Variants in CDA observed in about 807,000 individuals in gnomAD.
The protein encoded by CDA is cytidine aminohydrolase.
Under a neutral mutation model 15.0 loss-of-function variants are expected in CDA, and 7 were observed. The observed-to-expected ratio is 0.47, with a 90% confidence interval of 0.26 to 0.87. CDA has a LOEUF of 0.87. CDA is among the 40% of genes least tolerant of loss of function. CDA has a pLI of 0.15. For missense variants in CDA, 159 were observed against 182.7 expected (o/e 0.87, Z 0.75); for synonymous variants, 58 against 73.0 (o/e 0.79, Z 1.05).
intron 2 of CDA, among the ~76,000 whole-genome samples, chr1:20,612,799 C>T (rs1284123771): frequency 6.6e-6 from 1 of 151,896 alleles, no homozygotes; most frequent in Non-Finnish European, 1.5e-5. Context: ...AAAAATTAGC[C>T]GGGCGTGGTG....
intron 3 of CDA, among the ~76,000 whole-genome samples, chr1:20,615,743 G>A (rs1222260681): frequency 6.6e-6 from 1 of 152,044 alleles, no homozygotes; most frequent in African/African-American, 2.4e-5. Flanking sequence ...GCTTACACCT[G>A]TAAGCCCTGC....
intron 1 of CDA, among the ~76,000 whole-genome samples, chr1:20,600,942 A>G (rs935467712): frequency 7.2e-5 from 11 of 152,186 alleles, no homozygotes; most frequent in South Asian, 2.1e-4. Flanking sequence ...ACATTTAAAT[A>G]AACAAAAGCT....
At chr1:20,613,705 G>C in intron 2 of CDA, 137 bp from the exon 3 acceptor site, 1 of 791,548 alleles carries the variant, frequency 1.3e-6, no homozygotes, top group South Asian at 1.4e-5. Context: ...TCAGGACACA[G>C]TGGATCTGTG....
chr1:20,590,853 G>T (rs1305002341), intron 1 of CDA, among the ~76,000 whole-genome samples: 1 of 152,188 alleles, frequency 6.6e-6, no homozygotes, highest in Non-Finnish European at 1.5e-5. Flanking sequence ...TGGGGCAGGT[G>T]GTGGTGATGG....
chr1:20,606,738 T>C (rs1395694173), intron 2 of CDA, among the ~76,000 whole-genome samples: 2 of 152,202 alleles, frequency 1.3e-5, no homozygotes, highest in African/African-American at 4.8e-5. Context: ...TCAATGCTCC[T>C]ATATGTCCCA....
chr1:20,610,261 C>CT (rs760754305), intron 2 of CDA, among the ~76,000 whole-genome samples: 643 of 62,842 alleles, frequency 0.01, 25 homozygotes, highest in Middle Eastern at 0.021. Context: ...CACACATTAT[C>CT]TTTTTTTTTT....
At chr1:20,589,407 C>A in intron 1 of CDA, 124 bp downstream of exon 1, 1 of 926,926 alleles carries the variant, frequency 1.1e-6, no homozygotes, top group Non-Finnish European at 1.7e-6. Context: ...CCTTCTTCCC[C>A]CAGTCTCCGC....
intron 1 of CDA, among the ~76,000 whole-genome samples, chr1:20,592,616 G>T (rs2052558956): frequency 6.6e-6 from 1 of 152,224 alleles, no homozygotes; most frequent in Non-Finnish European, 1.5e-5. Context: ...TACAGTATCT[G>T]CTCCACTCAC....
At chr1:20,604,367 G>A (rs1054659734) in intron 1 of CDA, among the ~76,000 whole-genome samples, 5 of 152,122 alleles carry the variant, frequency 3.3e-5, no homozygotes, top group African/African-American at 4.8e-5. Context: ...GTCCTCATGC[G>A]GCAGATGGGG....
chr1:20,610,214 T>G (rs1487671772), intron 2 of CDA, among the ~76,000 whole-genome samples: 1 of 151,798 alleles, frequency 6.6e-6, no homozygotes, highest in African/African-American at 2.4e-5. Context: ...AGACAATGCA[T>G]ATAAAATGCT....
chr1:20,605,483 C>G (rs1369920856), intron 2 of CDA, among the ~76,000 whole-genome samples: 1 of 139,850 alleles, frequency 7.2e-6, no homozygotes, highest in African/African-American at 2.6e-5. Flanking sequence ...CACAGTGAAA[C>G]CCCGTCTCTA....
At chr1:20,593,384 C>T (rs116161014) in intron 1 of CDA, among the ~76,000 whole-genome samples, 2,303 of 152,268 alleles carry the variant, frequency 0.015, 58 homozygotes, top group African/African-American at 0.053. Context: ...CTATGGTCAA[C>T]GTCAGAAAGC....
At chr1:20,605,664 A>G (rs1380661671) in intron 2 of CDA, among the ~76,000 whole-genome samples, 1 of 119,388 alleles carries the variant, frequency 8.4e-6, no homozygotes, top group Non-Finnish European at 1.8e-5. Context: ...CGTCTCAAAA[A>G]AAAAAAAAAT....
chr1:20,598,767 C>T (rs2052611747), intron 1 of CDA, among the ~76,000 whole-genome samples: 1 of 152,210 alleles, frequency 6.6e-6, no homozygotes, highest in East Asian at 1.9e-4. Context: ...AATGCCCCAC[C>T]TCCTAATAGT....
At chr1:20,618,407 C>A in intron 3 of CDA, 45 bp from the exon 4 acceptor site, 1 of 1,151,782 alleles carries the variant, frequency 8.7e-7, no homozygotes, top group Non-Finnish European at 1.3e-6. Flanking sequence ...TCTCAGCCCC[C>A]TCAGCCACGC....
In CDA at chr1:20,589,289, G is replaced by A. The variant is rs2101171149; in HGVS notation, c.154+6G>A. The stretch of plus-strand genomic sequence containing the variant: ...GGAGGGGAGAATCTTCAAAGGTAAA[G>A]GTGGGCACCCCAGGGTCCCCCAGCC... On this transcript the variant is annotated splice_donor_region_variant and intron_variant, in intron 1 of 3. Coordinates refer to ENST00000375071, the MANE Select transcript of CDA (RefSeq NM_001785.3). The A allele has an allele frequency of 6.2e-7, 1 of 1,613,592 alleles. No homozygotes were observed. The highest frequency in any genetic ancestry group is 8.5e-7 in the Non-Finnish European group (1 of 1,179,834).
At chr1:20,609,056 C>T (rs506586) in intron 2 of CDA, among the ~76,000 whole-genome samples, 148,879 of 152,292 alleles carry the variant, frequency 0.98, 72,869 homozygotes, top group East Asian at 1. Flanking sequence ...CACTATCCTG[C>T]GACTTTTGGT....
intron 1 of CDA, among the ~76,000 whole-genome samples, chr1:20,590,331 C>A (rs545967502): frequency 6.6e-6 from 1 of 152,308 alleles, no homozygotes; most frequent in Non-Finnish European, 1.5e-5. Context: ...ACCCAGACTT[C>A]CCCTGACTCC....
At chr1:20,608,251 A>G (rs935573954) in intron 2 of CDA, among the ~76,000 whole-genome samples, 1 of 152,176 alleles carries the variant, frequency 6.6e-6, no homozygotes, top group Non-Finnish European at 1.5e-5. Flanking sequence ...CAGCCGCATT[A>G]TGGACCTTGG....
Sources: gnomAD v4.1 joint callset for allele counts (sites outside exome capture counted in the v4.1 genomes callset) on GRCh38, gnomAD v4.1.1 for gene constraint, MANE v1.5 for transcripts, NCBI Gene and HGNC (gene_info 2026-07-23, HGNC 2026-07-21) for gene names.